Variants in TCF20 observed in about 807,000 individuals in gnomAD.
The protein encoded by TCF20 is SPRE-binding protein.
In TCF20, 3 loss-of-function variants were observed where a neutral mutation model predicts 148.6. The ratio of observed to expected loss-of-function variants is 0.02; its 90% CI spans 0.01 to 0.05. TCF20 has a LOEUF of 0.05. TCF20 is among the 10% of genes least tolerant of loss of function. The probability of loss-of-function intolerance (pLI) is 1.00; values close to 1 mark genes in which losing one functional copy is unlikely to be tolerated. For synonymous variants in TCF20, 1,049 were observed against 909.5 expected (o/e 1.15, Z -2.76); for missense variants, 2,350 against 2,429.3 (o/e 0.97, Z 0.69).
At chr22:42,271,180 G>A (rs1336702099), upstream of TCF20, among the ~76,000 whole-genome samples, 1 of 152,230 alleles carries the variant, frequency 6.6e-6, no homozygotes, top group African/African-American at 2.4e-5. Flanking sequence ...AGCTGGTCCC[G>A]CCTGGGTCCC....
At chr22:42,235,774 G>A (rs1923831246) in intron 1 of TCF20, among the ~76,000 whole-genome samples, 1 of 152,120 alleles carries the variant, frequency 6.6e-6, no homozygotes, top group African/African-American at 2.4e-5. Context: ...AACCTACCTT[G>A]CCACCACACG....
At chr22:42,180,481 G>A (rs1936716917) in intron 2 of TCF20, among the ~76,000 whole-genome samples, 1 of 152,134 alleles carries the variant, frequency 6.6e-6, no homozygotes, top group African/African-American at 2.4e-5. Flanking sequence ...TGTCCTATCA[G>A]CAACAAACAC....
intron 1 of TCF20, among the ~76,000 whole-genome samples, chr22:42,321,686 C>A (rs1193089087): frequency 2.0e-5 from 3 of 151,850 alleles, no homozygotes; most frequent in Non-Finnish European, 4.4e-5. Flanking sequence ...GTGACTCACA[C>A]CTGTAATCCT....
chr22:42,301,911 C>T (rs747757596), intron 1 of TCF20, among the ~76,000 whole-genome samples: 1 of 152,220 alleles, frequency 6.6e-6, no homozygotes, highest in African/African-American at 2.4e-5. Context: ...GACTCAGGGC[C>T]GGCAGGCCTG....
Position 42,295,093 on chromosome 22 carries a change from G to A in TCF20, c.-37+48386C>T, listed in dbSNP as rs543787459. On this transcript the variant is annotated intron_variant, in intron 1 of 1. Coordinates refer to the TCF20 transcript ENST00000515426. ...TGATGAACCCCCACTGCCACTGAGG[G>A]AGATGACAGCGTGGGGGGCAGGGCA... Among the ~76,000 whole-genome samples, 5 of 152,318 alleles carry A rather than the reference G, an allele frequency of 3.3e-5. No individual in the cohort carries two copies. In the East Asian group the frequency reaches 9.6e-4, roughly 29 times the overall value.
rs565078881 is a variant in TCF20, at chr22:42,223,734, G to A, written c.-36-8393C>T. On this transcript the variant is annotated intron_variant, in intron 1 of 5. Coordinates refer to ENST00000677622, the MANE Select transcript of TCF20 (RefSeq NM_001378418.1). ...CTTGCTAGAATTTAGTTGACTGCTT[G>A]TACCTAGATATATCTGTAACACCTG... 1.5e-4 allele frequency among the ~76,000 whole-genome samples: 23 copies of A among 152,288 alleles called. No individual in the cohort carries two copies. In the Middle Eastern group the frequency reaches 0.01, roughly 68 times the overall value.
At chr22:42,221,941 T>C (rs1371141183) in intron 1 of TCF20, among the ~76,000 whole-genome samples, 1 of 151,788 alleles carries the variant, frequency 6.6e-6, no homozygotes, top group African/African-American at 2.4e-5. Flanking sequence ...GGTTTCACCG[T>C]GTTAGCCAGG....
At chr22:42,318,552 A>G (rs1324921829) in intron 1 of TCF20, among the ~76,000 whole-genome samples, 1 of 152,106 alleles carries the variant, frequency 6.6e-6, no homozygotes, top group Non-Finnish European at 1.5e-5. Flanking sequence ...GCACTCAGGG[A>G]TGATTCCAGG....
At chr22:42,224,079 T>A (rs138493327) in intron 1 of TCF20, among the ~76,000 whole-genome samples, 1 of 152,206 alleles carries the variant, frequency 6.6e-6, no homozygotes, top group East Asian at 1.9e-4. Flanking sequence ...GCTTTCTGGG[T>A]GTCAAAACTC....
At chr22:42,306,096 C>T (rs1472425444) in intron 1 of TCF20, among the ~76,000 whole-genome samples, 2 of 152,242 alleles carry the variant, frequency 1.3e-5, no homozygotes. Context: ...GCACCGCAGG[C>T]AGCGTGGACT....
chr22:42,265,456 C>T (rs573209170), intron 1 of TCF20, among the ~76,000 whole-genome samples: 1 of 152,250 alleles, frequency 6.6e-6, no homozygotes, highest in African/African-American at 2.4e-5. Context: ...CTACAGGCAC[C>T]CACGTCACAT....
At chr22:42,241,490 A>G (rs1924394772) in intron 1 of TCF20, among the ~76,000 whole-genome samples, 1 of 152,238 alleles carries the variant, frequency 6.6e-6, no homozygotes, top group South Asian at 2.1e-4. Context: ...TGAAAAATAC[A>G]GTAAGATATT....
chr22:42,225,829 A>AG (rs1190301755), intron 1 of TCF20, among the ~76,000 whole-genome samples: 1 of 152,122 alleles, frequency 6.6e-6, no homozygotes, highest in African/African-American at 2.4e-5. Context: ...TGCCACACAC[A>AG]GGGTTGTTGG....
intron 2 of TCF20, among the ~76,000 whole-genome samples, chr22:42,202,947 G>A (rs1938137851): frequency 6.6e-6 from 1 of 152,130 alleles, no homozygotes; most frequent in South Asian, 2.1e-4. Flanking sequence ...ATTTCAACTG[G>A]TTTTCCAGTA....
At chr22:42,281,797 G>T (rs2147017297) in intron 1 of TCF20, among the ~76,000 whole-genome samples, 1 of 152,342 alleles carries the variant, frequency 6.6e-6, no homozygotes, top group East Asian at 1.9e-4. Flanking sequence ...CCACTTCCTG[G>T]GGGGTCTGAG....
chr22:42,251,492 CTTTTTTT>C (rs71184878), intron 1 of TCF20, among the ~76,000 whole-genome samples: 480 of 47,020 alleles, frequency 0.01, 4 homozygotes, highest in African/African-American at 0.039. Flanking sequence ...AAACAAGTGT[CTTTTTTT>C]TTTTTTTTTT....
At chr22:42,234,878 G>A (rs528641113) in intron 1 of TCF20, among the ~76,000 whole-genome samples, 127 of 152,194 alleles carry the variant, frequency 8.3e-4, no homozygotes, top group African/African-American at 2.7e-3. Context: ...AGTGGCTCAC[G>A]CCTGTAAATC....
Position 42,338,149 on chromosome 22 carries a change from G to T in TCF20, c.-37+5330C>A, listed in dbSNP as rs1463609500. On this transcript the variant is annotated intron_variant, in intron 1 of 1. Coordinates refer to the TCF20 transcript ENST00000515426. The surrounding 1 kb of genome is among the most constrained non-coding windows in gnomAD (Gnocchi z 4.0). ...ACACAACTCCCGCCTCGGTCTCCAC[G>T]CGTCCCCTGAGATCCCCCACCGCCC... Among the ~76,000 whole-genome samples the T allele has an allele frequency of 6.6e-6, 1 of 152,164 alleles. No homozygotes were observed. The highest frequency in any genetic ancestry group is 6.5e-5 in the Admixed American group (1 of 15,288).
chr22:42,295,070 A>G (rs1189890518), intron 1 of TCF20, among the ~76,000 whole-genome samples: 1 of 152,182 alleles, frequency 6.6e-6, no homozygotes, highest in Non-Finnish European at 1.5e-5. Context: ...AGACCCAGTG[A>G]TGAACCCCCA....
Sources: allele counts gnomAD v4.1 joint callset (sites outside exome capture counted in the v4.1 genomes callset), GRCh38; gene constraint gnomAD v4.1.1; non-coding constraint Gnocchi (gnomAD v3.1); transcripts MANE v1.5; gene names NCBI Gene and HGNC (gene_info 2026-07-23, HGNC 2026-07-21).